The following HSPA12A variants were observed in gnomAD, a reference collection of about 807,000 sequenced individuals.
HSPA12A encodes the protein heat shock 70 kDa protein 12A.
In HSPA12A, 28 loss-of-function variants were observed where a neutral mutation model predicts 69.2. The ratio of observed to expected loss-of-function variants is 0.40; its 90% CI spans 0.30 to 0.55. The LOEUF (loss-of-function observed/expected upper bound fraction) is 0.55, where lower values mean the gene tolerates loss of function less well. Ranked by LOEUF, HSPA12A falls within the 20% of genes least tolerant of loss-of-function variation. The probability of loss-of-function intolerance (pLI) is 0.38; values close to 1 mark genes in which losing one functional copy is unlikely to be tolerated. For synonymous variants in HSPA12A, 345 were observed against 370.5 expected (o/e 0.93, Z 0.79); for missense variants, 686 against 900.7 (o/e 0.76, Z 3.05).
intron 1 of HSPA12A, among the ~76,000 whole-genome samples, chr10:116,845,313 T>G (rs1286864669): frequency 6.6e-6 from 1 of 152,218 alleles, no homozygotes; most frequent in African/African-American, 2.4e-5. Flanking sequence ...AAAAGGAGAC[T>G]TCATATTCGA....
intron 7 of HSPA12A, among the ~76,000 whole-genome samples, chr10:116,682,497 C>T (rs2133368472): frequency 6.6e-6 from 1 of 151,682 alleles, no homozygotes; most frequent in Admixed American, 6.6e-5. Flanking sequence ...AGCCAATATG[C>T]ATTGCGGCCA....
At chr10:116,741,106 G>T (rs1241952476) in intron 1 of HSPA12A, among the ~76,000 whole-genome samples, 2 of 152,176 alleles carry the variant, frequency 1.3e-5, no homozygotes, top group African/African-American at 2.4e-5. Flanking sequence ...GACGGCCTGG[G>T]CTCTCCGCTG....
intron 8 of HSPA12A, among the ~76,000 whole-genome samples, chr10:116,681,472 T>C (rs1469146270): frequency 1.3e-5 from 2 of 152,236 alleles, no homozygotes; most frequent in Non-Finnish European, 1.5e-5. Context: ...AGAACCCAGG[T>C]GAGTGAATCT....
chr10:116,842,028 G>A (rs1845809720), intron 1 of HSPA12A, among the ~76,000 whole-genome samples: 1 of 152,206 alleles, frequency 6.6e-6, no homozygotes, highest in African/African-American at 2.4e-5. Flanking sequence ...AACCAGGCCT[G>A]TAGAAATCAT....
chr10:116,699,185 C>G (rs1310706273), intron 4 of HSPA12A, among the ~76,000 whole-genome samples: 1 of 152,136 alleles, frequency 6.6e-6, no homozygotes, highest in Non-Finnish European at 1.5e-5. Flanking sequence ...GCTAAACAGA[C>G]GAAGCTTTCA....
intron 2 of HSPA12A, among the ~76,000 whole-genome samples, chr10:116,819,723 G>C (rs1262093810): frequency 6.6e-6 from 1 of 152,240 alleles, no homozygotes; most frequent in Non-Finnish European, 1.5e-5. Flanking sequence ...TTCAGAGAAT[G>C]ATGGCAACGT....
intron 5 of HSPA12A, among the ~76,000 whole-genome samples, chr10:116,694,672 G>A (rs1375036510): frequency 6.6e-6 from 1 of 152,034 alleles, no homozygotes; most frequent in Non-Finnish European, 1.5e-5. Flanking sequence ...CCTAACTCAG[G>A]AGCCCCTGTG....
At chr10:116,834,098 C>G (rs964616778) in intron 2 of HSPA12A, among the ~76,000 whole-genome samples, 11 of 152,200 alleles carry the variant, frequency 7.2e-5, no homozygotes, top group Non-Finnish European at 1.2e-4. Context: ...CAGATCTCGC[C>G]AGGCCCCTCC....
chr10:116,742,249 A>ACCGGCCC (rs1428961050), intron 1 of HSPA12A, among the ~76,000 whole-genome samples, 181 bp downstream of exon 1: 17 of 151,658 alleles, frequency 1.1e-4, no homozygotes, highest in South Asian at 4.1e-4. Flanking sequence ...TCTCCGGTCC[A>ACCGGCCC]CCGGACCCCG....
chr10:116,690,474 A>C (rs1248333118), intron 6 of HSPA12A, among the ~76,000 whole-genome samples: 1 of 152,228 alleles, frequency 6.6e-6, no homozygotes, highest in African/African-American at 2.4e-5. Flanking sequence ...GGAACAAAGC[A>C]AGTATCAAAT....
chr10:116,728,102 T>C (rs1665648), intron 1 of HSPA12A, among the ~76,000 whole-genome samples: 104,745 of 151,186 alleles, frequency 0.69, 36,729 homozygotes, highest in Middle Eastern at 0.87. Flanking sequence ...GCCACCGCGC[T>C]TGGCCAATTT....
intron 2 of HSPA12A, among the ~76,000 whole-genome samples, chr10:116,779,901 C>G (rs1466407117): frequency 6.6e-6 from 1 of 152,112 alleles, no homozygotes; most frequent in East Asian, 1.9e-4. Flanking sequence ...CATGGCACCA[C>G]TCCCTAGGGG....
At chr10:116,704,200 G>A (rs1310318395) in intron 3 of HSPA12A, among the ~76,000 whole-genome samples, 4 of 152,136 alleles carry the variant, frequency 2.6e-5, no homozygotes, top group Non-Finnish European at 4.4e-5. Flanking sequence ...GCAAAGACTT[G>A]GAACCAATGT....
intron 2 of HSPA12A, chr10:116,750,352 C>A (rs1386958002): frequency 6.8e-6 from 5 of 738,668 alleles, no homozygotes; most frequent in Non-Finnish European, 1.2e-5. Flanking sequence ...CAGGCCTTGC[C>A]AAAACTACTT....
intron 5 of HSPA12A, among the ~76,000 whole-genome samples, chr10:116,694,652 G>A (rs1849832787): frequency 6.6e-6 from 1 of 152,018 alleles, no homozygotes; most frequent in African/African-American, 2.4e-5. Context: ...GAGCCCCTAC[G>A]GCTCCTCCTC....
Position 116,700,940 on chromosome 10 carries a change from C to T in HSPA12A, c.441+3G>A, listed in dbSNP as rs1850061516. On this transcript the variant is annotated splice_donor_region_variant and intron_variant, in intron 4 of 11. Transcript: ENST00000369209. ...CCTGGGCCCAGGGGAGAGGCTTGCTCACCCCAGTGGTGTGCAGCTTCATCT... is the reference window on the plus strand; with the variant it reads ...CCTGGGCCCAGGGGAGAGGCTTGCTTACCCCAGTGGTGTGCAGCTTCATCT... 6.2e-7 allele frequency: 1 copy of T among 1,611,630 alleles called. No homozygotes were observed. The highest frequency in any genetic ancestry group is 8.5e-7 in the Non-Finnish European group (1 of 1,178,948).
At chr10:116,784,268 AT>A (rs1354626186) in intron 2 of HSPA12A, among the ~76,000 whole-genome samples, 1 of 152,210 alleles carries the variant, frequency 6.6e-6, no homozygotes, top group Non-Finnish European at 1.5e-5. Context: ...GGCTGGGGTG[AT>A]GCATGTCTCT....
chr10:116,796,203 A>C (rs1844824308), intron 2 of HSPA12A, among the ~76,000 whole-genome samples: 1 of 152,036 alleles, frequency 6.6e-6, no homozygotes, highest in African/African-American at 2.4e-5. Context: ...TATACACAAT[A>C]TAAAATAATA....
chr10:116,725,203 G>C (rs1246240139), intron 1 of HSPA12A, among the ~76,000 whole-genome samples: 1 of 152,144 alleles, frequency 6.6e-6, no homozygotes, highest in Admixed American at 6.5e-5. Context: ...AGCTCCACTT[G>C]ATGGGAATTG....
Sources: gnomAD v4.1 joint callset for allele counts (sites outside exome capture counted in the v4.1 genomes callset) on GRCh38, gnomAD v4.1.1 for gene constraint, MANE v1.5 for transcripts, NCBI Gene and HGNC (gene_info 2026-07-23, HGNC 2026-07-21) for gene names.